AGBL1: variants seen among roughly 807,000 people sequenced by gnomAD.
The protein encoded by AGBL1 is AGBL carboxypeptidase 1, also known as cytosolic carboxypeptidase 4.
AGBL1 carries 130 observed loss-of-function variants against 118.9 expected under a neutral mutation model. The ratio of observed to expected loss-of-function variants is 1.09; its 90% CI spans 0.95 to 1.26. AGBL1 has a LOEUF of 1.26. AGBL1 is among the 50% of genes most tolerant of loss of function. The pLI is 0.00. For synonymous variants in AGBL1, 555 were observed against 478.9 expected (o/e 1.16, Z -2.08); for missense variants, 1,584 against 1,298.1 (o/e 1.22, Z -3.38).
chr15:86,807,362 A>G (rs2078731122), intron 22 of AGBL1, among the ~76,000 whole-genome samples: 1 of 152,222 alleles, frequency 6.6e-6, no homozygotes, highest in African/African-American at 2.4e-5. Context: ...ACTGTAAGAG[A>G]CATCACGTTG....
chr15:86,283,224 C>A (rs1369438365), intron 16 of AGBL1, among the ~76,000 whole-genome samples: 1 of 152,068 alleles, frequency 6.6e-6, no homozygotes, highest in Admixed American at 6.6e-5. Context: ...TAAATAGCCC[C>A]TAGGTAGCCA....
intron 22 of AGBL1, among the ~76,000 whole-genome samples, chr15:86,827,887 G>T (rs1022766008): frequency 3.8e-5 from 5 of 131,280 alleles, no homozygotes; most frequent in African/African-American, 1.4e-4. Context: ...TTCCTGCTGG[G>T]TGTGTTATTT....
intron 17 of AGBL1, among the ~76,000 whole-genome samples, chr15:86,368,363 C>T (rs1406812591): frequency 6.6e-6 from 1 of 152,054 alleles, no homozygotes; most frequent in Non-Finnish European, 1.5e-5. Flanking sequence ...CAAAATATGT[C>T]ATGAGAAAGA....
Position 86,973,834 on chromosome 15 carries a change from C to T in AGBL1, c.3222-14153C>T, listed in dbSNP as rs962401694. 5.4e-5 allele frequency among the ~76,000 whole-genome samples: 8 copies of T among 149,024 alleles called. No homozygotes were observed. In the South Asian group the frequency reaches 6.3e-4, roughly 12 times the overall value. On this transcript the variant is annotated intron_variant, in intron 23 of 24. Transcript: ENST00000441037. ...TTGAAAAGCAGAATTATAAAATCTG[C>T]GTACCCCCAGTGTTCTTAATCCTTT...
At chr15:86,970,321 C>T (rs1372617174) in intron 23 of AGBL1, among the ~76,000 whole-genome samples, 1 of 151,802 alleles carries the variant, frequency 6.6e-6, no homozygotes, top group Admixed American at 6.6e-5. Flanking sequence ...GAGCAAGCAC[C>T]ATTTAAAGAG....
chr15:86,754,453 C>T (rs2077903904), intron 22 of AGBL1, among the ~76,000 whole-genome samples: 1 of 152,016 alleles, frequency 6.6e-6, no homozygotes, highest in Non-Finnish European at 1.5e-5. Flanking sequence ...GTTTATTTTC[C>T]TCTGGATTTT....
intron 19 of AGBL1, among the ~76,000 whole-genome samples, chr15:86,545,500 G>A (rs748484112): frequency 5.3e-5 from 8 of 151,844 alleles, no homozygotes; most frequent in Admixed American, 6.6e-5. Flanking sequence ...TCCTCACCCC[G>A]GTATTAAGCC....
intron 1 of AGBL1, among the ~76,000 whole-genome samples, chr15:86,128,961 C>T (rs898210105): frequency 5.9e-5 from 9 of 152,198 alleles, no homozygotes; most frequent in African/African-American, 1.9e-4. Flanking sequence ...ATTATATTAA[C>T]ACAGTGCTTC....
intron 18 of AGBL1, among the ~76,000 whole-genome samples, chr15:86,471,222 T>C (rs1408285834): frequency 6.6e-6 from 1 of 152,192 alleles, no homozygotes; most frequent in East Asian, 1.9e-4. Flanking sequence ...AGTTTTCTTC[T>C]ACATCTAATT....
intron 22 of AGBL1, among the ~76,000 whole-genome samples, chr15:86,758,985 GAAAAA>G (rs1369194511): frequency 8.1e-6 from 1 of 122,908 alleles, no homozygotes; most frequent in Admixed American, 8.0e-5. Context: ...AAAAAAAAAA[GAAAAA>G]AAAAAGAAAA....
intron 17 of AGBL1, among the ~76,000 whole-genome samples, chr15:86,313,223 C>G (rs1231701546): frequency 6.6e-6 from 1 of 152,082 alleles, no homozygotes; most frequent in African/African-American, 2.4e-5. Context: ...GGTCGATTTT[C>G]TTGGTCTTTA....
chr15:86,849,775 C>T (rs891904765), intron 22 of AGBL1, among the ~76,000 whole-genome samples: 1 of 152,180 alleles, frequency 6.6e-6, no homozygotes, highest in African/African-American at 2.4e-5. Flanking sequence ...TGCCCAGATC[C>T]TCATCCTAGG....
intron 22 of AGBL1, among the ~76,000 whole-genome samples, chr15:86,764,213 G>A (rs2078065703): frequency 1.3e-5 from 2 of 152,096 alleles, no homozygotes; most frequent in Middle Eastern, 6.8e-3. Context: ...ACAAACCAGG[G>A]ATTGAAGGGC....
intron 19 of AGBL1, among the ~76,000 whole-genome samples, chr15:86,536,245 T>C (rs930262379): frequency 6.6e-6 from 1 of 152,234 alleles, no homozygotes; most frequent in African/African-American, 2.4e-5. Context: ...GCATTTTTTC[T>C]CTTGCTCTCA....
intron 21 of AGBL1, among the ~76,000 whole-genome samples, chr15:86,603,770 T>C (rs1038916574): frequency 7.2e-5 from 11 of 152,200 alleles, no homozygotes; most frequent in Admixed American, 3.3e-4. Context: ...TGAAAGCTTA[T>C]CCTTTAGTGG....
chr15:86,809,950 T>C (rs939917946), intron 22 of AGBL1, among the ~76,000 whole-genome samples: 1 of 152,128 alleles, frequency 6.6e-6, no homozygotes, highest in Non-Finnish European at 1.5e-5. Context: ...GGATAAATAA[T>C]TACCTCTAAC....
In AGBL1 at chr15:86,538,769, T is replaced by A. The variant is rs186578992; in HGVS notation, c.2686-7233T>A. Among the ~76,000 whole-genome samples, 318 of 152,276 alleles carry A rather than the reference T, an allele frequency of 2.1e-3. 1 individual carries two copies. Among genetic ancestry groups the A allele is most frequent in the Non-Finnish European group, 3.7e-3 (255 of 68,028 alleles). Reference sequence around the variant, plus strand: ...AGAATGGAAAGCACAGCAGTTTACATTGGCAAAGCAGAGCGGTAAACACAA... The same window carrying A: ...AGAATGGAAAGCACAGCAGTTTACAATGGCAAAGCAGAGCGGTAAACACAA... On this transcript the variant is annotated intron_variant, in intron 19 of 22. Transcript: ENST00000614907.
intron 1 of AGBL1, among the ~76,000 whole-genome samples, chr15:86,133,355 A>T (rs904220142): frequency 1.9e-4 from 29 of 152,250 alleles, no homozygotes; most frequent in African/African-American, 6.7e-4. Context: ...CTCTCAGCTT[A>T]AGTGTTACTT....
chr15:86,757,771 C>G (rs534480034), intron 22 of AGBL1, among the ~76,000 whole-genome samples: 67 of 152,196 alleles, frequency 4.4e-4, no homozygotes, highest in African/African-American at 1.4e-3. Flanking sequence ...CATTATGCCT[C>G]TCTAAGCGGA....
Sources: gnomAD v4.1 joint callset for allele counts (sites outside exome capture counted in the v4.1 genomes callset) on GRCh38, gnomAD v4.1.1 for gene constraint, MANE v1.5 for transcripts, NCBI Gene and HGNC (gene_info 2026-07-23, HGNC 2026-07-21) for gene names.